The following RAB27B variants were observed in gnomAD, a reference collection of about 807,000 sequenced individuals.
RAB27B encodes the protein RAB27B, member RAS oncogene family.
A neutral mutation model predicts 24.6 loss-of-function variants in RAB27B; 15 were observed. The ratio of observed to expected loss-of-function variants is 0.61; its 90% CI spans 0.41 to 0.94. RAB27B has a LOEUF of 0.94. RAB27B is among the 40% of genes least tolerant of loss of function. The probability of loss-of-function intolerance (pLI) is 0.00; values close to 1 mark genes in which losing one functional copy is unlikely to be tolerated. For synonymous variants in RAB27B, 105 were observed against 92.5 expected, an observed-to-expected ratio of 1.14 and a Z score of -0.78; for missense variants, 261 against 266.8, an observed-to-expected ratio of 0.98 and a Z score of 0.15.
intron 2 of RAB27B, among the ~76,000 whole-genome samples, chr18:54,736,170 G>C (rs1047702642): frequency 6.6e-5 from 10 of 152,160 alleles, no homozygotes; most frequent in African/African-American, 1.9e-4. Context: ...TGTGAGGTAA[G>C]GCAACCGCAG....
chr18:54,891,940 A>ATATG lies in RAB27B; in HGVS notation c.*2527_*2528insTATG, dbSNP rs1913384145. On this transcript the variant is annotated 3_prime_UTR_variant, in exon 6 of 6. Transcript: ENST00000262094. ...GCTTGATATAAAAAATTTTCTCCAT[A>ATATG]AAGTTTGACATCTGACCCCAGATTC... 1 of 152,094 alleles carries ATATG rather than the reference A, an allele frequency of 6.6e-6. No individual in the cohort carries two copies. Among genetic ancestry groups the ATATG allele is most frequent in the Non-Finnish European group, 1.5e-5 (1 of 67,994 alleles). 9.4% of individuals were successfully genotyped at this position (152,094 alleles called of 1,614,324 possible). A position where few individuals can be genotyped will look rare whatever the true frequency, so the allele number is the denominator to read the frequency against.
intron 2 of RAB27B, among the ~76,000 whole-genome samples, chr18:54,729,190 G>A (rs1223353806): frequency 1.3e-5 from 2 of 151,964 alleles, no homozygotes; most frequent in African/African-American, 4.8e-5. Context: ...GTGCTATTTG[G>A]AATACAAAAT....
chr18:54,739,454 C>CT (rs1910005677), intron 2 of RAB27B, among the ~76,000 whole-genome samples: 1 of 109,820 alleles, frequency 9.1e-6, no homozygotes, highest in Admixed American at 9.2e-5. Flanking sequence ...GAAACTCCAT[C>CT]TCAAAAAAAA....
chr18:54,819,415 C>T (rs1910224894), intron 2 of RAB27B, among the ~76,000 whole-genome samples: 2 of 148,632 alleles, frequency 1.3e-5, no homozygotes, highest in South Asian at 4.2e-4. Flanking sequence ...AGCTGTAATC[C>T]TAGCTACTCA....
chr18:54,744,553 G>A (rs1910174478), intron 2 of RAB27B, among the ~76,000 whole-genome samples: 1 of 152,072 alleles, frequency 6.6e-6, no homozygotes, highest in Non-Finnish European at 1.5e-5. Context: ...TTGGGGTAAT[G>A]GATATGATAA....
intron 2 of RAB27B, among the ~76,000 whole-genome samples, chr18:54,749,248 G>A (rs555652564): frequency 6.6e-6 from 1 of 152,274 alleles, no homozygotes; most frequent in South Asian, 2.1e-4. Flanking sequence ...TCTGGAAAGA[G>A]GATCTGAGAG....
chr18:54,790,281 A>C (rs936725374), intron 2 of RAB27B, among the ~76,000 whole-genome samples: 1 of 152,184 alleles, frequency 6.6e-6, no homozygotes, highest in East Asian at 1.9e-4. Flanking sequence ...TGGTTGTAAA[A>C]GTGAGGCTTA....
rs1555662083 is a variant in RAB27B, at chr18:54,841,156, G to GA, written c.-20+12456_-20+12457insA. ...AGAAAGACTCTGTCTTTGGGTGGCG[G>GA]GGCGGTGGGGGGTTTGGTGAGAGGG... On this transcript the variant is annotated intron_variant, in intron 1 of 5. Coordinates refer to ENST00000262094, the MANE Select transcript of RAB27B (RefSeq NM_004163.4). Among the ~76,000 whole-genome samples, 28 of 114,244 alleles carry GA rather than the reference G, an allele frequency of 2.5e-4. 1 individual carries two copies. The highest frequency in any genetic ancestry group is 4.4e-4 in the Non-Finnish European group (25 of 56,528). 74.9% of individuals were successfully genotyped at this position (114,244 alleles called of 152,430 possible).
At chr18:54,800,167 T>G (rs1325369118) in intron 2 of RAB27B, among the ~76,000 whole-genome samples, 1 of 152,216 alleles carries the variant, frequency 6.6e-6, no homozygotes, top group Non-Finnish European at 1.5e-5. Flanking sequence ...TTCATTCCCT[T>G]TGGCAGCTCT....
At chr18:54,770,377 A>G (rs1908505465) in intron 2 of RAB27B, among the ~76,000 whole-genome samples, 1 of 151,882 alleles carries the variant, frequency 6.6e-6, no homozygotes, top group African/African-American at 2.4e-5. Context: ...CATGAACCCT[A>G]TTGTGAACTA....
intron 2 of RAB27B, among the ~76,000 whole-genome samples, chr18:54,793,533 A>G (rs1403131901): frequency 2.0e-5 from 3 of 152,142 alleles, no homozygotes; most frequent in African/African-American, 7.2e-5. Context: ...CAAGTTCTCA[A>G]TTAAGGGGCG....
intron 2 of RAB27B, among the ~76,000 whole-genome samples, chr18:54,796,510 G>C (rs760212268): frequency 6.6e-6 from 1 of 152,182 alleles, no homozygotes; most frequent in African/African-American, 2.4e-5. Context: ...GGAGCCAGAA[G>C]GGGAGATGGA....
intron 2 of RAB27B, among the ~76,000 whole-genome samples, chr18:54,762,382 G>A (rs1462697781): frequency 6.6e-6 from 1 of 152,086 alleles, no homozygotes; most frequent in African/African-American, 2.4e-5. Flanking sequence ...TAGAGACGAG[G>A]TTTCACCGTG....
At chr18:54,732,660 G>A (rs1339682026) in intron 2 of RAB27B, among the ~76,000 whole-genome samples, 1 of 152,110 alleles carries the variant, frequency 6.6e-6, no homozygotes, top group East Asian at 1.9e-4. Flanking sequence ...ATATCAGTAA[G>A]ATATAATGAC....
intron 2 of RAB27B, among the ~76,000 whole-genome samples, chr18:54,760,026 G>A (rs1004186906): frequency 6.6e-6 from 1 of 152,182 alleles, no homozygotes; most frequent in Non-Finnish European, 1.5e-5. Flanking sequence ...AAACCGAGCT[G>A]TTAAATACAT....
upstream of RAB27B, chr18:54,828,441 G>T (rs1429413416): frequency 6.6e-6 from 1 of 152,298 alleles, no homozygotes; most frequent in Non-Finnish European, 1.5e-5. Flanking sequence ...CCCCGCCGCC[G>T]CGGCGGACTC....
At chr18:54,788,769 T>C (rs1909165939) in intron 2 of RAB27B, among the ~76,000 whole-genome samples, 1 of 151,488 alleles carries the variant, frequency 6.6e-6, no homozygotes, top group Non-Finnish European at 1.5e-5. Flanking sequence ...CTCCCAACAG[T>C]GGCATCTAGG....
chr18:54,862,378 C>T (rs1026552077), intron 1 of RAB27B, among the ~76,000 whole-genome samples: 4 of 152,200 alleles, frequency 2.6e-5, no homozygotes, highest in Non-Finnish European at 4.4e-5. Context: ...ATGTGCCAAG[C>T]TTTGCTGACA....
intron 1 of RAB27B, among the ~76,000 whole-genome samples, chr18:54,851,092 G>A (rs912240534): frequency 5.9e-5 from 9 of 152,024 alleles, no homozygotes; most frequent in East Asian, 3.9e-4. Context: ...GTTATAGTCC[G>A]GCAACTCAAC....
Sources: allele counts gnomAD v4.1 joint callset (sites outside exome capture counted in the v4.1 genomes callset), GRCh38; gene constraint gnomAD v4.1.1; transcripts MANE v1.5; gene names NCBI Gene and HGNC (gene_info 2026-07-23, HGNC 2026-07-21).